FAT3: variants seen among roughly 807,000 people sequenced by gnomAD.
FAT3 encodes protocadherin Fat 3.
Under a neutral mutation model 310.2 loss-of-function variants are expected in FAT3, and 95 were observed. The observed-to-expected ratio is 0.31, with a 90% CI of 0.26 to 0.36. The LOEUF is 0.36. Among genes scored for constraint, FAT3 ranks in the 10% least tolerant of loss-of-function variants. The probability of loss-of-function intolerance (pLI) is 1.00; values close to 1 mark genes in which losing one functional copy is unlikely to be tolerated. For missense variants in FAT3, 5,408 were observed against 5,715.6 expected, an observed-to-expected ratio of 0.95 and a Z score of 1.74; for synonymous variants, 2,314 against 2,192.9, an observed-to-expected ratio of 1.06 and a Z score of -1.54.
rs752230160 is a variant in FAT3 at position 92,352,869 on chromosome 11, T to C, written c.757T>C (p.Tyr253His). 4 of 1,613,942 alleles carry C rather than the reference T, an allele frequency of 2.5e-6. 1 individual carries two copies. The South Asian group carries it at 4.4e-5, about 18-fold the overall frequency. Residue 253 changes from tyrosine to histidine, a missense_variant, in exon 2 of 28, where the codon TAT becomes CAT. Around this residue, in one of 5 missense-constraint regions of FAT3, gnomAD observed 4,588 missense variants for 4,809.8 expected, o/e 0.95. Coordinates refer to ENST00000525166, the MANE Select transcript of FAT3 (RefSeq NM_001367949.2). The stretch of plus-strand genomic sequence containing the variant: ...TGGAGTGAGCAGTACTGCAAAGCTT[T>C]ATGTTCACATTGAGCGCATAAATGA... The part of the protein sequence containing the change: ...NNGVSSTAKL[Y>H]VHIERINEHA...
At chr11:92,819,642 G>A (rs1019209031) in intron 13 of FAT3, among the ~76,000 whole-genome samples, 21 of 152,120 alleles carry the variant, frequency 1.4e-4, no homozygotes, top group Admixed American at 7.9e-4. Context: ...AAATAGTTTT[G>A]TCCAAGCATT....
At chr11:92,581,367 C>T (rs898032144) in intron 3 of FAT3, among the ~76,000 whole-genome samples, 1 of 152,070 alleles carries the variant, frequency 6.6e-6, no homozygotes, top group Non-Finnish European at 1.5e-5. Context: ...CTCTTGAGGA[C>T]AACAGACTCA....
At chr11:92,391,167 C>A (rs564366212) in intron 2 of FAT3, among the ~76,000 whole-genome samples, 1 of 152,186 alleles carries the variant, frequency 6.6e-6, no homozygotes, top group Non-Finnish European at 1.5e-5. Context: ...CCATGTGAGA[C>A]AAAATTGTGT....
chr11:92,822,381 A>G (rs1014403597), intron 13 of FAT3, among the ~76,000 whole-genome samples: 1 of 151,920 alleles, frequency 6.6e-6, no homozygotes, highest in Admixed American at 6.6e-5. Context: ...TCGGCAATGC[A>G]GAGGACGGAT....
intron 3 of FAT3, among the ~76,000 whole-genome samples, chr11:92,649,381 A>G (rs1449988013): frequency 6.6e-6 from 1 of 152,230 alleles, no homozygotes; most frequent in African/African-American, 2.4e-5. Flanking sequence ...ACTATATCCC[A>G]GCTATCCCTT....
chr11:92,316,605 A>G (rs1356871079), intron 1 of FAT3, among the ~76,000 whole-genome samples: 1 of 152,172 alleles, frequency 6.6e-6, no homozygotes, highest in South Asian at 2.1e-4. Flanking sequence ...CTATTTTCTA[A>G]TATGTCAGCA....
chr11:92,711,989 G>A (rs184768228), intron 4 of FAT3, among the ~76,000 whole-genome samples: 1 of 152,112 alleles, frequency 6.6e-6, no homozygotes, highest in Non-Finnish European at 1.5e-5. Flanking sequence ...CTTGATGATG[G>A]ATTATTTAAA....
intron 3 of FAT3, among the ~76,000 whole-genome samples, chr11:92,630,543 T>C (rs1941520232): frequency 6.6e-6 from 1 of 152,220 alleles, no homozygotes; most frequent in Non-Finnish European, 1.5e-5. Context: ...ACCAAACTTG[T>C]TGTCTTCTCA....
chr11:92,419,403 C>A (rs1310581848), intron 2 of FAT3, among the ~76,000 whole-genome samples: 1 of 152,072 alleles, frequency 6.6e-6, no homozygotes, highest in African/African-American at 2.4e-5. Context: ...TGAGAGGGAT[C>A]TAATTAACTT....
chr11:92,273,066 A>G (rs940992891), intron 1 of FAT3, among the ~76,000 whole-genome samples: 1 of 152,050 alleles, frequency 6.6e-6, no homozygotes, highest in African/African-American at 2.4e-5. Context: ...TACTTACCTC[A>G]CATTTTTCTA....
chr11:92,729,576 G>GC (rs1945110237), intron 4 of FAT3, among the ~76,000 whole-genome samples: 1 of 151,814 alleles, frequency 6.6e-6, no homozygotes, highest in African/African-American at 2.4e-5. Flanking sequence ...ACAGGAGCGT[G>GC]CCCCCGTGCC....
In FAT3 at chr11:92,442,081, T is replaced by TTATA. The variant is rs869247397; in HGVS notation, c.3293-82525_3293-82522dup. On this transcript the variant is annotated intron_variant, in intron 2 of 27. Coordinates refer to ENST00000525166, the MANE Select transcript of FAT3 (RefSeq NM_001367949.2). ...GTGCAAAACTTAAGAAATATATATT[T>TTATA]TATATATATATATATATATATATAT... 1.5e-3 allele frequency among the ~76,000 whole-genome samples: 104 copies of TTATA among 69,964 alleles called. 2 individuals carry two copies. Among genetic ancestry groups the TTATA allele is most frequent in the Middle Eastern group, 0.011 (1 of 94 alleles). 45.9% of individuals were successfully genotyped at this position (69,964 alleles called of 152,430 possible).
intron 1 of FAT3, among the ~76,000 whole-genome samples, chr11:92,303,654 A>G (rs1429007965): frequency 2.0e-5 from 3 of 152,146 alleles, no homozygotes; most frequent in African/African-American, 7.2e-5. Flanking sequence ...CAATAAATGT[A>G]TTGTTGTAGC....
chr11:92,439,106 C>T (rs190626554), intron 2 of FAT3, among the ~76,000 whole-genome samples: 120 of 152,276 alleles, frequency 7.9e-4, no homozygotes, highest in African/African-American at 2.8e-3. Context: ...TCAAGAATTT[C>T]AAAATCAATT....
chr11:92,407,379 T>C (rs1950157443), intron 2 of FAT3, among the ~76,000 whole-genome samples: 1 of 152,302 alleles, frequency 6.6e-6, no homozygotes. Context: ...TTTCACTTCA[T>C]ACATCTCTTA....
intron 3 of FAT3, 71 bp downstream of exon 3, chr11:92,525,019 C>T (rs1270014417): frequency 2.4e-6 from 3 of 1,247,534 alleles, no homozygotes; most frequent in Non-Finnish European, 3.4e-6. Flanking sequence ...CTGACACTTT[C>T]TGTACTCATT....
At chr11:92,240,589 C>A (rs1261797388) in intron 1 of FAT3, among the ~76,000 whole-genome samples, 23 of 135,804 alleles carry the variant, frequency 1.7e-4, no homozygotes, top group East Asian at 2.3e-4. Flanking sequence ...AAAAAAAAAA[C>A]CCAAAAAACC....
intron 7 of FAT3, among the ~76,000 whole-genome samples, chr11:92,786,128 T>C (rs1946885735): frequency 6.6e-6 from 1 of 152,060 alleles, no homozygotes; most frequent in African/African-American, 2.4e-5. Context: ...ATATGGAAAA[T>C]AATCGCAGTA....
rs995605552 is a variant in FAT3, at chr11:92,844,501, T to G, written c.11134T>G (p.Phe3712Val). Reference sequence around the variant, plus strand: ...TGCGGTGGAGATGCACAGCAGCGAGTTCTACAAGCCAGCCTACCTGATCCA... The same window carrying G: ...TGCGGTGGAGATGCACAGCAGCGAGGTCTACAAGCCAGCCTACCTGATCCA... ...LFAVEMHSSE[F>V]YKPAYLIQKL... The change falls in exon 19 of 28, where the codon TTC becomes GTC. Residue 3712 changes from phenylalanine (F) to valine (V), a missense_variant. Transcript: ENST00000525166. 5.6e-6 allele frequency: 9 copies of G among 1,613,598 alleles called. No homozygotes were observed. Among genetic ancestry groups the G allele is most frequent in the Non-Finnish European group, 7.6e-6 (9 of 1,179,824 alleles).
Sources: gnomAD v4.1 joint callset for allele counts (sites outside exome capture counted in the v4.1 genomes callset) on GRCh38, gnomAD v4.1.1 for gene constraint, gnomAD v4.1.1 regional missense constraint, MANE v1.5 for transcripts, NCBI Gene and HGNC (gene_info 2026-07-23, HGNC 2026-07-21) for gene names.